The following SDK1 variants were observed in gnomAD, a reference collection of about 807,000 sequenced individuals.
The protein encoded by SDK1 is protein sidekick-1.
In SDK1, 157 loss-of-function variants were observed where a neutral mutation model predicts 245.5. That is an observed-to-expected ratio of 0.64 (90% CI 0.56 to 0.73). The LOEUF is 0.73. Ranked by LOEUF, SDK1 falls within the 30% of genes least tolerant of loss-of-function variation. The pLI is 0.00. For synonymous variants in SDK1, 1,647 were observed against 1,278.5 expected, an observed-to-expected ratio of 1.29 and a Z score of -6.15; for missense variants, 3,583 against 3,002.3, an observed-to-expected ratio of 1.19 and a Z score of -4.52.
chr7:3,476,272 C>T (rs1328190325), intron 1 of SDK1, among the ~76,000 whole-genome samples: 1 of 152,190 alleles, frequency 6.6e-6, no homozygotes, highest in Admixed American at 6.5e-5. Flanking sequence ...GAACATTACA[C>T]AGGATTCCAT....
intron 4 of SDK1, among the ~76,000 whole-genome samples, chr7:3,684,390 T>C (rs1172640991): frequency 6.6e-6 from 1 of 152,158 alleles, no homozygotes; most frequent in Admixed American, 6.5e-5. Flanking sequence ...AGCTCACCCC[T>C]CACTGAGAAG....
At chr7:3,319,323 G>C (rs1189499034) in intron 1 of SDK1, among the ~76,000 whole-genome samples, 1 of 152,122 alleles carries the variant, frequency 6.6e-6, no homozygotes, top group African/African-American at 2.4e-5. Context: ...GTAGGAGTCA[G>C]GATTGTTGCA....
At chr7:3,843,483 A>C (rs1017682593) in intron 5 of SDK1, among the ~76,000 whole-genome samples, 3 of 152,236 alleles carry the variant, frequency 2.0e-5, no homozygotes, top group African/African-American at 2.4e-5. Flanking sequence ...TTCTTCCTCA[A>C]ATTAACTAAA....
intron 1 of SDK1, among the ~76,000 whole-genome samples, chr7:3,456,784 T>C (rs541989773): frequency 6.6e-6 from 1 of 152,320 alleles, no homozygotes; most frequent in East Asian, 1.9e-4. Context: ...AAGTGTCTCT[T>C]GGACATTTTG....
chr7:4,231,362 G>A lies in SDK1; in HGVS notation c.5828-1893G>A, dbSNP rs540620548. 6.0e-5 allele frequency among the ~76,000 whole-genome samples: 9 copies of A among 150,924 alleles called. No individual in the cohort carries two copies. In the South Asian group the frequency reaches 1.1e-3, roughly 18 times the overall value. ...GCAGATGGCTTGAGCTCGGCAGTTCGAGCCCAGCCTGGGCAACACAGGGAG... is the reference window on the plus strand; with the variant it reads ...GCAGATGGCTTGAGCTCGGCAGTTCAAGCCCAGCCTGGGCAACACAGGGAG... On this transcript the variant is annotated intron_variant, in intron 40 of 44. Coordinates refer to ENST00000404826, the MANE Select transcript of SDK1 (RefSeq NM_152744.4).
intron 5 of SDK1, among the ~76,000 whole-genome samples, chr7:3,838,483 G>C (rs533470712): frequency 4.6e-5 from 7 of 152,244 alleles, no homozygotes; most frequent in Admixed American, 1.3e-4. Flanking sequence ...TGGCAAAGGG[G>C]AGCACAAGGC....
At chr7:3,587,061 G>A (rs1480597980) in intron 1 of SDK1, among the ~76,000 whole-genome samples, 1 of 152,186 alleles carries the variant, frequency 6.6e-6, no homozygotes, top group East Asian at 1.9e-4. Context: ...TTTGGGCTGA[G>A]GCCCTGTCAG....
intron 40 of SDK1, among the ~76,000 whole-genome samples, chr7:4,224,460 A>C (rs557099106): frequency 6.6e-6 from 1 of 152,204 alleles, no homozygotes; most frequent in Non-Finnish European, 1.5e-5. Flanking sequence ...TTGTAAGAAC[A>C]GCACCAAAGG....
intron 5 of SDK1, among the ~76,000 whole-genome samples, chr7:3,870,744 C>A (rs1299716506): frequency 6.6e-6 from 1 of 152,162 alleles, no homozygotes; most frequent in Non-Finnish European, 1.5e-5. Flanking sequence ...TTACCATTAA[C>A]CAAACTACAG....
At chr7:4,150,466 C>G (rs1780286117) in intron 30 of SDK1, among the ~76,000 whole-genome samples, 1 of 152,184 alleles carries the variant, frequency 6.6e-6, no homozygotes, top group South Asian at 2.1e-4. Context: ...TCACATAGGT[C>G]AGCTCTGCGT....
chr7:3,611,665 C>T lies in SDK1; in HGVS notation c.299-7415C>T, dbSNP rs139026990. 2.3e-3 allele frequency among the ~76,000 whole-genome samples: 344 copies of T among 152,226 alleles called. 5 individuals are homozygous for T. Among genetic ancestry groups the T allele is most frequent in the African/African-American group, 8.0e-3 (333 of 41,542 alleles). On this transcript the variant is annotated intron_variant, in intron 1 of 44. Transcript: ENST00000404826. ...TCGTGCTAGTTTACATTCCTAGCAG[C>T]AGTGTAAAAGTGTTCCCTTTTCACC...
chr7:3,581,981 G>T (rs1182176797), intron 1 of SDK1, among the ~76,000 whole-genome samples: 1 of 152,226 alleles, frequency 6.6e-6, no homozygotes, highest in African/African-American at 2.4e-5. Flanking sequence ...AGACACCGGG[G>T]CCTACTTGAG....
intron 1 of SDK1, among the ~76,000 whole-genome samples, chr7:3,459,777 G>A (rs555634387): frequency 6.6e-6 from 1 of 152,322 alleles, no homozygotes; most frequent in African/African-American, 2.4e-5. Context: ...TGTGATCCAT[G>A]TCCTTGGCCT....
chr7:3,833,376 A>C (rs1189076223), intron 5 of SDK1, among the ~76,000 whole-genome samples: 1 of 152,130 alleles, frequency 6.6e-6, no homozygotes, highest in African/African-American at 2.4e-5. Context: ...CTCCAACAGG[A>C]TGTCACTCTG....
chr7:3,940,930 C>T (rs1780343736), intron 5 of SDK1, among the ~76,000 whole-genome samples: 2 of 152,174 alleles, frequency 1.3e-5, no homozygotes, highest in South Asian at 2.1e-4. Flanking sequence ...CTCCTACTTT[C>T]AATCACCGCC....
At chr7:3,828,182 G>A (rs1779824524) in intron 5 of SDK1, among the ~76,000 whole-genome samples, 2 of 152,184 alleles carry the variant, frequency 1.3e-5, no homozygotes, top group African/African-American at 4.8e-5. Context: ...GGAGGCTGAG[G>A]CAGGAAAATG....
At chr7:3,962,903 C>T (rs781257336) in intron 9 of SDK1, 52 bp downstream of exon 9, 5 of 1,308,460 alleles carry the variant, frequency 3.8e-6, no homozygotes, top group South Asian at 1.4e-5. Context: ...CCAGTGAGTA[C>T]ACTCAGCCCC....
intron 1 of SDK1, among the ~76,000 whole-genome samples, chr7:3,477,012 A>G (rs1327344134): frequency 6.6e-6 from 1 of 152,150 alleles, no homozygotes; most frequent in Non-Finnish European, 1.5e-5. Context: ...AAGAGGGCAG[A>G]TTTGAGAGAA....
At chr7:3,716,771 GAAAA>G (rs534296974) in intron 4 of SDK1, among the ~76,000 whole-genome samples, 3 of 110,806 alleles carry the variant, frequency 2.7e-5, no homozygotes, top group Non-Finnish European at 5.9e-5. Flanking sequence ...CAAAAAAAAA[GAAAA>G]AAAAAAAAGA....
Sources: allele counts gnomAD v4.1 joint callset (sites outside exome capture counted in the v4.1 genomes callset), GRCh38; gene constraint gnomAD v4.1.1; transcripts MANE v1.5; gene names NCBI Gene and HGNC (gene_info 2026-07-23, HGNC 2026-07-21).